ZFHX4: variants seen among roughly 807,000 people sequenced by gnomAD.
ZFHX4 encodes the protein zinc finger homeobox 4, also known as zinc finger homeobox protein 4.
In ZFHX4, 56 loss-of-function variants were observed where a neutral mutation model predicts 267.6. That is an observed-to-expected ratio of 0.21 (90% CI 0.17 to 0.26). The LOEUF is 0.26. Among genes scored for constraint, ZFHX4 ranks in the 10% least tolerant of loss-of-function variants. ZFHX4 has a pLI of 1.00. For missense variants in ZFHX4, 4,332 were observed against 4,420.0 expected (o/e 0.98, Z 0.56); for synonymous variants, 1,778 against 1,665.6 (o/e 1.07, Z -1.64).
At chr8:76,829,068 G>A (rs907028418) in intron 4 of ZFHX4, among the ~76,000 whole-genome samples, 2 of 152,050 alleles carry the variant, frequency 1.3e-5, no homozygotes, top group Non-Finnish European at 2.9e-5. Context: ...AAAAATTCCA[G>A]TTGCCTCTAA....
chr8:76,807,738 A>G (rs914999561), intron 4 of ZFHX4, among the ~76,000 whole-genome samples: 1 of 152,144 alleles, frequency 6.6e-6, no homozygotes, highest in Non-Finnish European at 1.5e-5. Flanking sequence ...TTCTGATATA[A>G]TGTTAGAAAT....
In ZFHX4 at chr8:76,731,007, G is replaced by A. The variant is rs16939345; in HGVS notation, c.3093+22959G>A. On this transcript the variant is annotated intron_variant, in intron 3 of 10. Coordinates refer to ENST00000651372, the MANE Select transcript of ZFHX4 (RefSeq NM_024721.5). The stretch of plus-strand genomic sequence containing the variant: ...TCCCAGGATCATACAGATATTTGAG[G>A]AGCTGGGATATGAACCCTGGCTTCT... Among the ~76,000 whole-genome samples, 257 of 152,192 alleles carry A rather than the reference G, an allele frequency of 1.7e-3. 1 individual carries two copies. The highest frequency in any genetic ancestry group is 6.0e-3 in the African/African-American group (249 of 41,514).
At chr8:76,693,183 G>A (rs2131586473) in intron 1 of ZFHX4, among the ~76,000 whole-genome samples, 1 of 152,250 alleles carries the variant, frequency 6.6e-6, no homozygotes, top group Non-Finnish European at 1.5e-5. Context: ...CCTGTTGAAT[G>A]AGTGAATGGA....
At position 76,863,623 on chromosome 8, in the gene ZFHX4, G is replaced by GC; in HGVS notation, c.9913dup (p.Gln3305ProfsTer51). 6.2e-7 allele frequency: 1 copy of GC among 1,613,262 alleles called. No homozygotes were observed. Among genetic ancestry groups the GC allele is most frequent in the Non-Finnish European group, 8.5e-7 (1 of 1,179,696 alleles). On this transcript the variant is annotated frameshift_variant, in exon 11 of 11. Coordinates refer to ENST00000651372, the MANE Select transcript of ZFHX4 (RefSeq NM_024721.5). LOFTEE classifies it high-confidence loss of function. ...GCCTCTTTCCTTATGGCCCTACAAT[G>GC]CCCCAGACACTGGCAGGTCTGTCCC...
intron 1 of ZFHX4, among the ~76,000 whole-genome samples, chr8:76,695,080 C>T (rs902135198): frequency 1.3e-5 from 2 of 152,142 alleles, no homozygotes; most frequent in East Asian, 1.9e-4. Context: ...GATTAGCCAA[C>T]ACTGTGTACA....
chr8:76,781,898 A>G (rs1810557137), intron 4 of ZFHX4, among the ~76,000 whole-genome samples: 1 of 152,038 alleles, frequency 6.6e-6, no homozygotes, highest in Non-Finnish European at 1.5e-5. Context: ...ACAGATTTTC[A>G]ATAAGAATGT....
Position 76,866,399 on chromosome 8 carries a change from T to C in ZFHX4, c.*1834T>C, listed in dbSNP as rs577525389. The C allele has an allele frequency of 2.2e-4, 33 of 152,578 alleles. No individual in the cohort carries two copies. The highest frequency in any genetic ancestry group is 3.8e-4 in the Non-Finnish European group (26 of 68,020). The allele number at this position is 152,578 out of a possible 1,614,324, so 9.5% of individuals were successfully genotyped here. On this transcript the variant is annotated 3_prime_UTR_variant, in exon 11 of 11. Coordinates refer to ENST00000651372, the MANE Select transcript of ZFHX4 (RefSeq NM_024721.5). ...ATTGTACAGTTTTTGTTTCGGATGA[T>C]GATCACAGCAATCTTTATTCTATAC...
At chr8:76,840,572 T>C (rs949599283) in intron 5 of ZFHX4, among the ~76,000 whole-genome samples, 2 of 152,190 alleles carry the variant, frequency 1.3e-5, no homozygotes, top group East Asian at 3.9e-4. Context: ...AATTTTCTTT[T>C]TCTTCTCCTG....
intron 4 of ZFHX4, 71 bp downstream of exon 4, chr8:76,778,510 A>AACAC: frequency 1.9e-6 from 2 of 1,055,846 alleles, no homozygotes; most frequent in Middle Eastern, 3.0e-4. Flanking sequence ...CACACACACA[A>AACAC]ACACACACAC....
At chr8:76,772,081 A>C (rs1304709444) in intron 3 of ZFHX4, among the ~76,000 whole-genome samples, 1 of 152,114 alleles carries the variant, frequency 6.6e-6, no homozygotes, top group Non-Finnish European at 1.5e-5. Flanking sequence ...CTTATCCCTA[A>C]AATGGAAGGT....
At chr8:76,703,873 C>G (rs960289641) in intron 1 of ZFHX4, among the ~76,000 whole-genome samples, 170 bp from the exon 2 acceptor site, 1 of 152,182 alleles carries the variant, frequency 6.6e-6, no homozygotes, top group Non-Finnish European at 1.5e-5. Flanking sequence ...CATTATTTTG[C>G]TACATTTATA....
chr8:76,779,160 CT>C (rs1161243290), intron 4 of ZFHX4, among the ~76,000 whole-genome samples: 2 of 152,208 alleles, frequency 1.3e-5, no homozygotes, highest in East Asian at 3.9e-4. Context: ...GACGGCTGTA[CT>C]TTTGGCTTTA....
At chr8:76,813,329 A>G (rs1413393323) in intron 4 of ZFHX4, among the ~76,000 whole-genome samples, 1 of 152,152 alleles carries the variant, frequency 6.6e-6, no homozygotes, top group Admixed American at 6.5e-5. Context: ...GAGAATATTC[A>G]CAAGTTTATT....
At chr8:76,786,304 T>C (rs1221580561) in intron 4 of ZFHX4, among the ~76,000 whole-genome samples, 1 of 151,648 alleles carries the variant, frequency 6.6e-6, no homozygotes. Flanking sequence ...GTTCTTTCTT[T>C]TCCTTCACTA....
chr8:76,682,460 C>G (rs988547654), intron 1 of ZFHX4: 2 of 152,100 alleles, frequency 1.3e-5, no homozygotes, highest in Non-Finnish European at 1.5e-5. Context: ...CAGGCACTAC[C>G]GAGGGCTGCT....
chr8:76,852,602 C>G lies in ZFHX4; in HGVS notation c.5681C>G (p.Ser1894Cys). Residue 1894 changes from serine to cysteine, a missense_variant, in exon 10 of 11, where the codon TCC (serine) becomes TGC (cysteine). Ser to Cys is a moderately radical substitution (Grantham distance 112). Transcript: ENST00000651372. ...DTKKQKSLEP[S>C]IPPPRIASGA... ...AAGAAGCAAAAATCCTTGGAACCAT[C>G]CATCCCACCACCCCGAATAGCTTCA... is the stretch of plus-strand genomic sequence containing the variant. 1 of 1,612,216 alleles carries G rather than the reference C, an allele frequency of 6.2e-7. No individual in the cohort carries two copies. Among genetic ancestry groups the G allele is most frequent in the Non-Finnish European group, 8.5e-7 (1 of 1,178,958 alleles).
chr8:76,706,568 A>G lies in ZFHX4; in HGVS notation c.2480A>G (p.Gln827Arg). 6.2e-7 allele frequency: 1 copy of G among 1,612,236 alleles called. No individual in the cohort carries two copies. Among genetic ancestry groups the G allele is most frequent in the Non-Finnish European group, 8.5e-7 (1 of 1,179,310 alleles). The change falls in exon 2 of 11, where the codon CAG becomes CGG. Residue 827 changes from glutamine to arginine, a missense_variant. Around this residue, in one of 7 missense-constraint regions of ZFHX4, gnomAD observed 1,195 missense variants for 1,173.6 expected, o/e 1.02. Coordinates refer to ENST00000651372, the MANE Select transcript of ZFHX4 (RefSeq NM_024721.5). ...EAELYQYYLA[Q>R]NIGLTGMKLE... is the part of the protein sequence containing the mutation. ...GAGCTTTATCAGTACTACCTAGCCC[A>G]GAACATAGGCCTGACCGGAATGAAG...
chr8:76,699,743 G>GAAA (rs1288086067), intron 1 of ZFHX4, among the ~76,000 whole-genome samples: 1 of 116,942 alleles, frequency 8.6e-6, no homozygotes, highest in African/African-American at 3.9e-5. Context: ...AGCAACTGAT[G>GAAA]CAAAAAAAAA....
intron 3 of ZFHX4, among the ~76,000 whole-genome samples, chr8:76,751,559 A>T (rs1459546645): frequency 1.3e-5 from 2 of 152,188 alleles, no homozygotes; most frequent in African/African-American, 4.8e-5. Context: ...AGTTAAGGTA[A>T]ACTGTAGCAA....
Sources: gnomAD v4.1 joint callset for allele counts (sites outside exome capture counted in the v4.1 genomes callset) on GRCh38, gnomAD v4.1.1 for gene constraint, gnomAD v4.1.1 regional missense constraint, MANE v1.5 for transcripts, NCBI Gene and HGNC (gene_info 2026-07-23, HGNC 2026-07-21) for gene names.